The following NAV3 variants were observed in gnomAD, a reference collection of about 807,000 sequenced individuals.
NAV3 encodes the protein pore membrane and/or filament interacting like protein 1.
Under a neutral mutation model 244.7 loss-of-function variants are expected in NAV3, and 87 were observed. The ratio of observed to expected loss-of-function variants is 0.36; its 90% confidence interval spans 0.30 to 0.42. The LOEUF (loss-of-function observed/expected upper bound fraction) is 0.42. Among genes scored for constraint, NAV3 ranks in the 20% least tolerant of loss-of-function variants. The pLI is 1.00. For missense variants in NAV3, 2,663 were observed against 2,893.3 expected (o/e 0.92, Z 1.83); for synonymous variants, 1,126 against 1,042.2 (o/e 1.08, Z -1.55).
At chr12:77,788,092 C>T (rs754616307) in intron 2 of NAV3, among the ~76,000 whole-genome samples, 2 of 152,142 alleles carry the variant, frequency 1.3e-5, no homozygotes, top group Non-Finnish European at 2.9e-5. Context: ...ATGAGTAAGA[C>T]ATTTATCATC....
chr12:78,162,435 C>G (rs1957584400), intron 23 of NAV3, among the ~76,000 whole-genome samples: 7 of 151,978 alleles, frequency 4.6e-5, no homozygotes, highest in Admixed American at 4.6e-4. Context: ...TACCTATCTA[C>G]TAGAACTCTA....
At chr12:77,620,768 G>A (rs953773428) in intron 2 of NAV3, among the ~76,000 whole-genome samples, 28 of 152,118 alleles carry the variant, frequency 1.8e-4, no homozygotes, top group African/African-American at 6.0e-4. Flanking sequence ...GGCTATTCTT[G>A]TGCTGCTAGG....
chr12:78,176,047 T>G (rs1430643129), intron 25 of NAV3, among the ~76,000 whole-genome samples: 1 of 152,030 alleles, frequency 6.6e-6, no homozygotes, highest in Non-Finnish European at 1.5e-5. Flanking sequence ...ACCACATTAG[T>G]GTCTGCTTGA....
At chr12:78,067,656 T>C (rs767927699) in intron 12 of NAV3, among the ~76,000 whole-genome samples, 1 of 152,068 alleles carries the variant, frequency 6.6e-6, no homozygotes, top group Non-Finnish European at 1.5e-5. Context: ...AAGAGTCTTA[T>C]ATTAGAAGAG....
chr12:78,062,902 C>A (rs1384504575), intron 12 of NAV3, among the ~76,000 whole-genome samples: 1 of 151,958 alleles, frequency 6.6e-6, no homozygotes, highest in Non-Finnish European at 1.5e-5. Flanking sequence ...AAAAAAAAAT[C>A]CACAGCATTT....
At chr12:78,127,070 A>C in intron 16 of NAV3, 97 bp from the exon 17 acceptor site, 2 of 1,237,024 alleles carry the variant, frequency 1.6e-6, no homozygotes, top group Admixed American at 2.1e-5. Flanking sequence ...GTTACCAAAA[A>C]ATTATTTTTT....
intron 2 of NAV3, among the ~76,000 whole-genome samples, chr12:77,733,797 G>C (rs897505457): frequency 3.5e-5 from 5 of 143,414 alleles, no homozygotes; most frequent in African/African-American, 1.0e-4. Context: ...CCACTCAACT[G>C]TTTGATAATT....
At chr12:77,680,498 T>C (rs1874401741) in intron 2 of NAV3, among the ~76,000 whole-genome samples, 1 of 152,118 alleles carries the variant, frequency 6.6e-6, no homozygotes, top group African/African-American at 2.4e-5. Context: ...TAAGACTGTC[T>C]AGCTTTCGTT....
chr12:77,707,293 G>A lies in NAV3; in HGVS notation c.72+135027G>A, dbSNP rs181761279. On this transcript the variant is annotated intron_variant, in intron 2 of 8. Coordinates refer to the NAV3 transcript ENST00000550042. ...CTCATTGTTCAATTCCCATCTATGA[G>A]TGAGAACATGTGGTGTTTGGTTTTT... Among the ~76,000 whole-genome samples, 78 of 145,546 alleles carry A rather than the reference G, an allele frequency of 5.4e-4. No individual in the cohort carries two copies. In the Admixed American group the frequency reaches 5.6e-3, roughly 10 times the overall value.
chr12:77,866,408 T>C (rs537608268), intron 1 of NAV3, among the ~76,000 whole-genome samples: 26 of 152,336 alleles, frequency 1.7e-4, no homozygotes, highest in Non-Finnish European at 3.2e-4. Context: ...TGCTGGCTCA[T>C]GTAGACTCCA....
At chr12:77,897,682 T>C (rs1381613752) in intron 1 of NAV3, among the ~76,000 whole-genome samples, 2 of 151,856 alleles carry the variant, frequency 1.3e-5, no homozygotes, top group African/African-American at 4.8e-5. Flanking sequence ...CCTGGGCTCC[T>C]ATTTTGTCTT....
chr12:77,955,093 T>G (rs970111873), intron 3 of NAV3, among the ~76,000 whole-genome samples: 1 of 152,200 alleles, frequency 6.6e-6, no homozygotes, highest in African/African-American at 2.4e-5. Flanking sequence ...CTGGAGCTCC[T>G]TCTGCCTGAT....
chr12:77,768,044 G>A (rs78283813), intron 2 of NAV3, among the ~76,000 whole-genome samples: 1,632 of 152,258 alleles, frequency 0.011, 28 homozygotes, highest in African/African-American at 0.036. Context: ...TTGACAGGCA[G>A]GTTGTTCCAA....
intron 2 of NAV3, among the ~76,000 whole-genome samples, chr12:77,689,691 G>C (rs182417395): frequency 2.4e-4 from 36 of 151,750 alleles, no homozygotes; most frequent in Non-Finnish European, 4.3e-4. Context: ...TGAGGTAAAG[G>C]TTTATCATAA....
At chr12:77,946,323 T>C (rs1402001460) in intron 3 of NAV3, among the ~76,000 whole-genome samples, 2 of 151,580 alleles carry the variant, frequency 1.3e-5, no homozygotes, top group African/African-American at 4.8e-5. Flanking sequence ...TGGATATATA[T>C]AATACATGTA....
At chr12:77,957,253 A>T (rs1269670887) in intron 3 of NAV3, among the ~76,000 whole-genome samples, 1 of 152,210 alleles carries the variant, frequency 6.6e-6, no homozygotes, top group Non-Finnish European at 1.5e-5. Flanking sequence ...AGATCTTATC[A>T]TTCATTTTTA....
At chr12:77,659,336 G>A (rs1200640016) in intron 2 of NAV3, among the ~76,000 whole-genome samples, 2 of 151,928 alleles carry the variant, frequency 1.3e-5, no homozygotes, top group African/African-American at 2.4e-5. Flanking sequence ...AGACATTTAT[G>A]CAGCCAAAAA....
chr12:77,719,931 G>T (rs1876535744), intron 2 of NAV3, among the ~76,000 whole-genome samples: 1 of 152,044 alleles, frequency 6.6e-6, no homozygotes, highest in Non-Finnish European at 1.5e-5. Flanking sequence ...GCTTTTCTTT[G>T]CTGAGATTTT....
chr12:78,143,100 A>G (rs1956699261), intron 20 of NAV3, among the ~76,000 whole-genome samples: 1 of 152,208 alleles, frequency 6.6e-6, no homozygotes, highest in Admixed American at 6.5e-5. Context: ...CCTTCTTAAT[A>G]ACTCTCAATA....
Sources: gnomAD v4.1 joint callset for allele counts (sites outside exome capture counted in the v4.1 genomes callset) on GRCh38, gnomAD v4.1.1 for gene constraint, MANE v1.5 for transcripts, NCBI Gene and HGNC (gene_info 2026-07-23, HGNC 2026-07-21) for gene names.